The following CPAMD8 variants were observed in gnomAD, a reference collection of about 807,000 sequenced individuals.
CPAMD8 encodes the protein C3 and PZP-like alpha-2-macroglobulin domain-containing protein 8.
In CPAMD8, 146 loss-of-function variants were observed where a neutral mutation model predicts 224.7. The ratio of observed to expected loss-of-function variants is 0.65; its 90% CI spans 0.57 to 0.75. The LOEUF (loss-of-function observed/expected upper bound fraction) is 0.75. Among genes scored for constraint, CPAMD8 ranks in the 30% least tolerant of loss-of-function variants. The pLI is 0.00. For missense variants in CPAMD8, 2,301 were observed against 2,537.5 expected, an observed-to-expected ratio of 0.91 and a Z score of 2.00; for synonymous variants, 966 against 1,044.6, an observed-to-expected ratio of 0.92 and a Z score of 1.45.
At chr19:17,009,663 A>C (rs138226330) in intron 5 of CPAMD8, among the ~76,000 whole-genome samples, 2,436 of 151,892 alleles carry the variant, frequency 0.016, 65 homozygotes, top group African/African-American at 0.056. Flanking sequence ...AGTCCCAGCT[A>C]CTCGGGAGGC....
At chr19:16,995,864 A>C (rs919271480) in intron 11 of CPAMD8, among the ~76,000 whole-genome samples, 1 of 152,222 alleles carries the variant, frequency 6.6e-6, no homozygotes, top group Admixed American at 6.5e-5. Flanking sequence ...AAAATTAAAA[A>C]ATTGACTAGG....
chr19:16,920,998 G>A (rs577406712), intron 27 of CPAMD8, among the ~76,000 whole-genome samples: 2 of 152,100 alleles, frequency 1.3e-5, no homozygotes, highest in Admixed American at 1.3e-4. Flanking sequence ...GGTGGGCGGG[G>A]CCTCTGCTTG....
At chr19:16,896,139 C>CT in intron 41 of CPAMD8, 37 bp downstream of exon 41, 1 of 1,610,590 alleles carries the variant, frequency 6.2e-7, no homozygotes, top group Non-Finnish European at 8.5e-7. Context: ...GATATTGAGC[C>CT]TATGTCTCTT....
intron 20 of CPAMD8, among the ~76,000 whole-genome samples, chr19:16,948,908 GA>G (rs2054205538): frequency 5.6e-5 from 4 of 71,090 alleles, no homozygotes; most frequent in South Asian, 7.5e-4. Flanking sequence ...GAAGGGAAGG[GA>G]AGGGAAAGGA....
chr19:17,018,631 T>A (rs2056871592), intron 3 of CPAMD8, among the ~76,000 whole-genome samples: 2 of 151,996 alleles, frequency 1.3e-5, no homozygotes, highest in South Asian at 4.2e-4. Flanking sequence ...CTCAGCACTT[T>A]GGGAGGCCAA....
chr19:17,004,201 C>T (rs1435494636), intron 8 of CPAMD8, 72 bp downstream of exon 8: 25 of 1,067,792 alleles, frequency 2.3e-5, no homozygotes, highest in South Asian at 2.0e-4. Flanking sequence ...CCCTTGCACC[C>T]GGCCTTCTTC....
chr19:16,920,807 G>T (rs2053142634), intron 27 of CPAMD8, among the ~76,000 whole-genome samples: 1 of 144,500 alleles, frequency 6.9e-6, no homozygotes, highest in African/African-American at 2.7e-5. Context: ...AGTGACCCAA[G>T]ATTGCACCAC....
chr19:16,938,299 A>G, intron 23 of CPAMD8, 96 bp downstream of exon 23: 2 of 609,448 alleles, frequency 3.3e-6, no homozygotes, highest in South Asian at 4.7e-5. Flanking sequence ...CTCACTTTGC[A>G]GCGGGACAGC....
chr19:16,988,893 C>T (rs1350484564), intron 13 of CPAMD8, among the ~76,000 whole-genome samples: 1 of 152,148 alleles, frequency 6.6e-6, no homozygotes, highest in African/African-American at 2.4e-5. Context: ...GTGAGCTCCA[C>T]CTCCTGTCAC....
chr19:16,928,006 C>T lies in CPAMD8; in HGVS notation c.3370+3G>A. 4 of 1,605,768 alleles carry T rather than the reference C, an allele frequency of 2.5e-6. No homozygotes were observed. The highest frequency in any genetic ancestry group is 3.4e-6 in the Non-Finnish European group (4 of 1,172,522). Reference sequence around the variant, plus strand: ...TCCAAGCCAGGCTGTGGGACAGACGCACCGATGATGGAGGCGGTGGCTCGC... The same window carrying T: ...TCCAAGCCAGGCTGTGGGACAGACGTACCGATGATGGAGGCGGTGGCTCGC... On this transcript the variant is annotated splice_donor_region_variant and intron_variant, in intron 25 of 41. Transcript: ENST00000443236.
intron 19 of CPAMD8, among the ~76,000 whole-genome samples, chr19:16,952,461 G>A (rs1015995076): frequency 5.9e-5 from 9 of 152,158 alleles, no homozygotes; most frequent in Non-Finnish European, 7.3e-5. Context: ...GAGACTGCCC[G>A]AGCCCAGGAG....
rs1036460705 is a variant in CPAMD8 at position 16,993,173 on chromosome 19, T to C, written c.1266+243A>G. Among the ~76,000 whole-genome samples, 3 of 152,202 alleles carry C rather than the reference T, an allele frequency of 2.0e-5. No homozygotes were observed. The East Asian group carries it at 5.8e-4, about 29-fold the overall frequency. On this transcript the variant is annotated intron_variant, in intron 12 of 41. Coordinates refer to ENST00000443236, the MANE Select transcript of CPAMD8 (RefSeq NM_015692.5). Reference sequence around the variant, plus strand: ...ACTTCCCCATGGTCAGGAGTCCATTTGGAGAGATCTCCTTGGACAAGACTC... The same window carrying C: ...ACTTCCCCATGGTCAGGAGTCCATTCGGAGAGATCTCCTTGGACAAGACTC...
At chr19:16,998,633 G>A (rs1465181119) in intron 10 of CPAMD8, among the ~76,000 whole-genome samples, 1 of 152,120 alleles carries the variant, frequency 6.6e-6, no homozygotes, top group African/African-American at 2.4e-5. Flanking sequence ...ACAAAGGGAT[G>A]GGAATCTCCA....
chr19:16,988,217 A>G (rs1450650029), intron 13 of CPAMD8, among the ~76,000 whole-genome samples: 3 of 152,158 alleles, frequency 2.0e-5, no homozygotes, highest in Non-Finnish European at 4.4e-5. Flanking sequence ...CTGGCCCCAT[A>G]GCAGCAGCTC....
intron 14 of CPAMD8, among the ~76,000 whole-genome samples, chr19:16,977,758 C>CA (rs1407570484): frequency 6.6e-6 from 1 of 152,176 alleles, no homozygotes; most frequent in Non-Finnish European, 1.5e-5. Flanking sequence ...TGGGCTCCTA[C>CA]AGAGCAGGCT....
chr19:16,947,076 G>A lies in CPAMD8; in HGVS notation c.2660C>T (p.Thr887Met), dbSNP rs557916855. 7.4e-5 allele frequency: 119 copies of A among 1,605,212 alleles called. 1 individual carries two copies. In the South Asian group the frequency reaches 1.0e-3, roughly 14 times the overall value. The change falls in exon 21 of 42, where the codon ACG (threonine) becomes ATG (methionine). Residue 887 changes from threonine (T) to methionine (M), a missense_variant and splice_region_variant. Physicochemically the swap from Thr to Met is moderately conservative, Grantham distance 81. This residue lies in a region of CPAMD8 where 1,709 missense variants were observed against 1,753.2 expected (regional missense o/e 0.97). Transcript: ENST00000443236. ...CCCAAGAACTGTGGGGTCCTCACCC[G>A]TGATGTTGTTGAGTCCCAGGTCGCT... ...SFSDLGLNNITAKALAYGDTN... is the reference protein window; with the variant it reads ...SFSDLGLNNIMAKALAYGDTN...
intron 27 of CPAMD8, among the ~76,000 whole-genome samples, chr19:16,921,482 C>A (rs964536811): frequency 2.0e-5 from 3 of 152,078 alleles, no homozygotes; most frequent in African/African-American, 7.2e-5. Context: ...ACCACAGAAA[C>A]AAGATCCCAG....
At chr19:16,998,271 C>A (rs553597312) in intron 10 of CPAMD8, among the ~76,000 whole-genome samples, 20 of 152,250 alleles carry the variant, frequency 1.3e-4, no homozygotes, top group Non-Finnish European at 2.2e-4. Context: ...ACCAGCCTGG[C>A]CAACATGGCA....
At chr19:16,904,721 C>A (rs1293220296) in intron 30 of CPAMD8, among the ~76,000 whole-genome samples, 169 bp from the exon 31 acceptor site, 1 of 152,236 alleles carries the variant, frequency 6.6e-6, no homozygotes, top group Non-Finnish European at 1.5e-5. Context: ...GGCTCCATCT[C>A]AGATCTGCAA....
Sources: gnomAD v4.1 joint callset for allele counts (sites outside exome capture counted in the v4.1 genomes callset) on GRCh38, gnomAD v4.1.1 for gene constraint, gnomAD v4.1.1 regional missense constraint, MANE v1.5 for transcripts, NCBI Gene and HGNC (gene_info 2026-07-23, HGNC 2026-07-21) for gene names.